Variants in EDA observed in about 807,000 individuals in gnomAD.
EDA encodes ectodysplasin A, also known as ectodysplasin-A.
Under a neutral mutation model 23.6 loss-of-function variants are expected in EDA, and 2 were observed. The ratio of observed to expected loss-of-function variants is 0.08; its 90% CI spans 0.03 to 0.27. The LOEUF (loss-of-function observed/expected upper bound fraction) is 0.27, where lower values mean the gene tolerates loss of function less well. Ranked by LOEUF, EDA falls within the 10% of genes least tolerant of loss-of-function variation. EDA has a pLI of 1.00. For synonymous variants in EDA, 131 were observed against 132.0 expected, an observed-to-expected ratio of 0.99 and a Z score of 0.05; for missense variants, 229 against 324.2, an observed-to-expected ratio of 0.71 and a Z score of 2.26.
At chrX:69,765,153 GC>G (rs2014433038) in intron 1 of EDA, among the ~76,000 whole-genome samples, 1 of 111,787 alleles carries the variant, frequency 8.9e-6, no homozygotes, top group Admixed American at 9.5e-5. Context: ...GTTCTTAAAG[GC>G]TATGAGAGAA....
chrX:69,700,356 C>G (rs906889183), intron 1 of EDA, among the ~76,000 whole-genome samples: 1 of 111,381 alleles, frequency 9.0e-6, no homozygotes, highest in Non-Finnish European at 1.9e-5. Context: ...TCTTGAGAAT[C>G]AGGGTGTAAA....
At chrX:69,799,557 A>G (rs1268758139) in intron 1 of EDA, among the ~76,000 whole-genome samples, 1 of 110,976 alleles carries the variant, frequency 9.0e-6, no homozygotes, top group Non-Finnish European at 1.9e-5. Context: ...ATCTGAATAG[A>G]CATTTCTCAA....
intron 1 of EDA, among the ~76,000 whole-genome samples, chrX:69,842,766 G>T (rs938680478): frequency 9.0e-6 from 1 of 111,644 alleles, no homozygotes; most frequent in Non-Finnish European, 1.9e-5. Flanking sequence ...CCTTGGTCCT[G>T]TACTTGTGAT....
rs1279144529 is a variant in EDA at position 69,616,266 on chromosome X, C to A, written c.-43C>A. 1.7e-6 allele frequency: 2 copies of A among 1,155,836 alleles called. No individual in the cohort carries two copies. The highest frequency in any genetic ancestry group is 2.3e-6 in the Non-Finnish European group (2 of 872,376). ...AGGTCGTGAACGGCTGAGGCAGACG[C>A]AGCGGCTCCCGGGCCTCAAGAGAGT... is the stretch of plus-strand genomic sequence containing the variant. On this transcript the variant is annotated 5_prime_UTR_variant, in exon 1 of 8. Transcript: ENST00000374552.
intron 1 of EDA, among the ~76,000 whole-genome samples, chrX:69,800,544 G>A (rs548798301): frequency 1.7e-4 from 19 of 110,892 alleles, no homozygotes; most frequent in African/African-American, 5.9e-4. Context: ...ATAACCTGAT[G>A]CCTCATTAGC....
chrX:69,972,431 A>G (rs1248542685), intron 2 of EDA, among the ~76,000 whole-genome samples: 1 of 111,689 alleles, frequency 9.0e-6, no homozygotes, highest in Non-Finnish European at 1.9e-5. Flanking sequence ...TCAGAATGTG[A>G]ATAAGAGTGA....
At chrX:69,826,977 A>G (rs2016458671) in intron 1 of EDA, among the ~76,000 whole-genome samples, 1 of 112,552 alleles carries the variant, frequency 8.9e-6, no homozygotes, top group Non-Finnish European at 1.9e-5. Flanking sequence ...TTGGCTGGAT[A>G]TGAAATTCTG....
chrX:70,027,808 GC>G (rs1569404760), intron 3 of EDA, 48 bp from the exon 4 acceptor site: 2 of 575,912 alleles, frequency 3.5e-6, no homozygotes, highest in Admixed American at 5.3e-5. Context: ...GGGCAACAGA[GC>G]AGGACTCCGT....
At chrX:69,891,930 TA>T (rs746324592) in intron 1 of EDA, among the ~76,000 whole-genome samples, 15 of 105,281 alleles carry the variant, frequency 1.4e-4, no homozygotes, top group African/African-American at 1.7e-4. Flanking sequence ...AAGTTGGAAA[TA>T]AAAAAAAAAG....
intron 1 of EDA, among the ~76,000 whole-genome samples, chrX:69,832,653 G>T (rs1191450710): frequency 9.0e-6 from 1 of 111,390 alleles, no homozygotes; most frequent in African/African-American, 3.3e-5. Flanking sequence ...TCACAATATT[G>T]ATTCTTCCTA....
intron 1 of EDA, among the ~76,000 whole-genome samples, chrX:69,619,003 C>T (rs1000529996): frequency 1.8e-5 from 2 of 112,180 alleles, no homozygotes; most frequent in African/African-American, 6.5e-5. Flanking sequence ...GCACCCTCTG[C>T]TGGCTTTACA....
intron 1 of EDA, among the ~76,000 whole-genome samples, chrX:69,778,111 C>G (rs755929666): frequency 9.0e-6 from 1 of 111,266 alleles, no homozygotes; most frequent in African/African-American, 3.3e-5. Context: ...TTAATTCAAA[C>G]CTTCTGTATA....
intron 1 of EDA, among the ~76,000 whole-genome samples, chrX:69,764,696 T>A (rs1388301849): frequency 8.9e-6 from 1 of 111,848 alleles, no homozygotes; most frequent in Non-Finnish European, 1.9e-5. Context: ...CCTTTCTTCA[T>A]TGATGCTGCC....
chrX:69,878,416 T>C (rs1055067461), intron 1 of EDA, among the ~76,000 whole-genome samples: 1 of 112,378 alleles, frequency 8.9e-6, no homozygotes, highest in Non-Finnish European at 1.9e-5. Flanking sequence ...AATTCAGCTA[T>C]GGCAGCTGAG....
At chrX:69,748,052 A>G (rs1010794393) in intron 1 of EDA, among the ~76,000 whole-genome samples, 4 of 111,748 alleles carry the variant, frequency 3.6e-5, no homozygotes, top group Admixed American at 2.8e-4. Flanking sequence ...GGAGGAAAGA[A>G]GTAGGTCCCT....
chrX:69,953,939 A>T (rs2147414321), intron 1 of EDA, among the ~76,000 whole-genome samples: 1 of 111,929 alleles, frequency 8.9e-6, no homozygotes, highest in South Asian at 3.8e-4. Flanking sequence ...GGTGATGGAA[A>T]TCTTGATTTG....
chrX:69,990,418 C>A (rs2019570132), intron 2 of EDA, among the ~76,000 whole-genome samples: 1 of 110,349 alleles, frequency 9.1e-6, no homozygotes, highest in African/African-American at 3.3e-5. Flanking sequence ...TGATAGCTAT[C>A]TACTGATTGA....
intron 1 of EDA, among the ~76,000 whole-genome samples, chrX:69,871,882 C>T (rs1486989853): frequency 8.9e-6 from 1 of 112,018 alleles, no homozygotes; most frequent in Non-Finnish European, 1.9e-5. Context: ...CATCCAAATA[C>T]AAGAAGCTCA....
intron 2 of EDA, among the ~76,000 whole-genome samples, chrX:69,997,587 G>T (rs1317474061): frequency 8.8e-6 from 1 of 113,052 alleles, no homozygotes; most frequent in Non-Finnish European, 1.9e-5. Context: ...GTAATCAGAA[G>T]CCAAATGTTA....
Sources: gnomAD v4.1 joint callset for allele counts (sites outside exome capture counted in the v4.1 genomes callset) on GRCh38, gnomAD v4.1.1 for gene constraint, MANE v1.5 for transcripts, NCBI Gene and HGNC (gene_info 2026-07-23, HGNC 2026-07-21) for gene names.